TENM2: variants seen among roughly 807,000 people sequenced by gnomAD.
The protein encoded by TENM2 is teneurin-2.
TENM2 carries 52 observed loss-of-function variants against 245.2 expected under a neutral mutation model. The observed-to-expected ratio is 0.21, with a 90% CI of 0.17 to 0.27. The LOEUF (loss-of-function observed/expected upper bound fraction) is 0.27. Ranked by LOEUF, TENM2 falls within the 10% of genes least tolerant of loss-of-function variation. The pLI is 1.00. For synonymous variants in TENM2, 1,363 were observed against 1,438.9 expected, an observed-to-expected ratio of 0.95 and a Z score of 1.19; for missense variants, 3,046 against 3,666.8, an observed-to-expected ratio of 0.83 and a Z score of 4.37.
At chr5:167,189,475 CT>C in the TENM2 span, among the ~76,000 whole-genome samples, 1 of 151,918 alleles carries the variant, frequency 6.6e-6, no homozygotes, top group Non-Finnish European at 1.5e-5. Context: ...CTTCCTTTCT[CT>C]CTTTTCTTTT....
At chr5:167,848,245 A>G (rs4869080) in intron 2 of TENM2, among the ~76,000 whole-genome samples, 141,318 of 152,158 alleles carry the variant, frequency 0.93, 66,108 homozygotes, top group Non-Finnish European at 0.99. Flanking sequence ...TAAATAGTGA[A>G]TGCATAATAG....
intron 2 of TENM2, among the ~76,000 whole-genome samples, chr5:167,761,629 A>C (rs1582939660): frequency 6.6e-6 from 1 of 152,242 alleles, no homozygotes; most frequent in East Asian, 1.9e-4. Context: ...AGTTGAAAGC[A>C]TAAAAAGAAA....
chr5:167,868,596 G>A (rs376464941), intron 2 of TENM2, among the ~76,000 whole-genome samples: 8 of 151,896 alleles, frequency 5.3e-5, no homozygotes, highest in African/African-American at 1.4e-4. Flanking sequence ...TATTAGCCTG[G>A]CGTGATGGTG....
At position 168,190,456 on chromosome 5, in the gene TENM2, C is replaced by T. The variant is rs369696558; in HGVS notation, c.2689C>T (p.Pro897Ser). ...CATTCAGCAGGGCCAGACGGATTGG[C>T]CCGCAGTGAAGTCCTTCTATGACCG... The change falls in exon 14 of 29, where the codon CCC becomes TCC. Residue 897 changes from proline (P) to serine (S), a missense_variant. Around this residue, in one of 2 missense-constraint regions of TENM2, gnomAD observed 2,704 missense variants for 3,331.9 expected, o/e 0.81. Transcript: ENST00000518659. 27 of 1,613,988 alleles carry T rather than the reference C, an allele frequency of 1.7e-5. No individual in the cohort carries two copies. The African/African-American group carries it at 3.3e-4, about 20-fold the overall frequency.
chr5:167,201,346 G>T, the TENM2 span, among the ~76,000 whole-genome samples: 37 of 152,246 alleles, frequency 2.4e-4, no homozygotes, highest in South Asian at 1.9e-3. Context: ...CTAGGTAAAT[G>T]GGAAAGAAAA....
chr5:168,220,833 C>G (rs1367380890), intron 23 of TENM2, among the ~76,000 whole-genome samples: 1 of 152,120 alleles, frequency 6.6e-6, no homozygotes, highest in East Asian at 1.9e-4. Flanking sequence ...CTGTCCTGGT[C>G]GGGAGTGATG....
intron 4 of TENM2, among the ~76,000 whole-genome samples, chr5:167,965,964 G>T (rs577422874): frequency 2.6e-5 from 4 of 152,306 alleles, no homozygotes; most frequent in East Asian, 1.9e-4. Context: ...AAATTAATTT[G>T]CTTAGGCCAT....
At chr5:167,300,039 C>T (rs1755216684) in intron 1 of TENM2, among the ~76,000 whole-genome samples, 1 of 152,186 alleles carries the variant, frequency 6.6e-6, no homozygotes, top group Non-Finnish European at 1.5e-5. Context: ...TAGGCTAAAA[C>T]AGTAAGGTCA....
At chr5:167,346,986 C>T (rs1191879446) in intron 1 of TENM2, among the ~76,000 whole-genome samples, 1 of 152,048 alleles carries the variant, frequency 6.6e-6, no homozygotes, top group Non-Finnish European at 1.5e-5. Flanking sequence ...GTTGCCCAGG[C>T]TGGTCTTAAA....
At chr5:167,556,912 C>A (rs1027154943) in intron 2 of TENM2, among the ~76,000 whole-genome samples, 4 of 152,122 alleles carry the variant, frequency 2.6e-5, no homozygotes, top group African/African-American at 9.7e-5. Flanking sequence ...GTGGGACAGC[C>A]CTGCATGTTA....
At chr5:167,026,370 A>G in the TENM2 span, among the ~76,000 whole-genome samples, 2 of 152,336 alleles carry the variant, frequency 1.3e-5, no homozygotes, top group South Asian at 4.1e-4. Flanking sequence ...TAATCTGCTG[A>G]GCTGAATTGA....
the TENM2 span, among the ~76,000 whole-genome samples, chr5:167,058,073 G>T: frequency 6.6e-6 from 1 of 152,082 alleles, no homozygotes; most frequent in Non-Finnish European, 1.5e-5. Flanking sequence ...TTTAAATTCA[G>T]GGGCCAGCAG....
chr5:167,213,388 A>C, the TENM2 span, among the ~76,000 whole-genome samples: 6 of 152,164 alleles, frequency 3.9e-5, no homozygotes, highest in African/African-American at 1.4e-4. Context: ...CTGTCTCCTC[A>C]CCAGGCAGAA....
chr5:167,350,941 G>A (rs1237068780), intron 1 of TENM2, among the ~76,000 whole-genome samples: 1 of 71,070 alleles, frequency 1.4e-5, no homozygotes, highest in Non-Finnish European at 3.0e-5. Flanking sequence ...TATATATATG[G>A]GATATATACA....
At chr5:167,132,047 T>G in the TENM2 span, among the ~76,000 whole-genome samples, 1 of 152,110 alleles carries the variant, frequency 6.6e-6, no homozygotes, top group Non-Finnish European at 1.5e-5. Context: ...GGTCTCCAAC[T>G]CCTGACCTTG....
At chr5:168,088,430 G>C (rs1792644535) in intron 7 of TENM2, 1 of 152,196 alleles carries the variant, frequency 6.6e-6, no homozygotes, top group Non-Finnish European at 1.5e-5. Context: ...GGGGTAGAGA[G>C]AAGCTAAACA....
intron 2 of TENM2, among the ~76,000 whole-genome samples, chr5:167,598,401 C>A (rs796397548): frequency 1.3e-5 from 2 of 152,264 alleles, no homozygotes; most frequent in African/African-American, 4.8e-5. Flanking sequence ...CCATGGTGAT[C>A]TCCAGCTCTC....
chr5:167,103,102 T>G, the TENM2 span, among the ~76,000 whole-genome samples: 1 of 152,232 alleles, frequency 6.6e-6, no homozygotes, highest in African/African-American at 2.4e-5. Flanking sequence ...AATGTACAAA[T>G]AATATATTTG....
At chr5:167,445,336 T>TATATAGAG (rs368881390) in intron 2 of TENM2, among the ~76,000 whole-genome samples, 94 of 77,242 alleles carry the variant, frequency 1.2e-3, no homozygotes, top group African/African-American at 2.1e-3. Context: ...TATATATATA[T>TATATAGAG]AGAGAGAGAG....
Sources: allele counts gnomAD v4.1 joint callset (sites outside exome capture counted in the v4.1 genomes callset), GRCh38; gene constraint gnomAD v4.1.1; regional missense constraint gnomAD v4.1.1; transcripts MANE v1.5; gene names NCBI Gene and HGNC (gene_info 2026-07-23, HGNC 2026-07-21).